Variants in NKD1 observed in about 807,000 individuals in gnomAD.
The protein encoded by NKD1 is NKD inhibitor of Wnt signaling pathway 1.
In NKD1, 21 loss-of-function variants were observed where a neutral mutation model predicts 56.0. That is an observed-to-expected ratio of 0.38 (90% confidence interval 0.27 to 0.54). NKD1 has a LOEUF of 0.54. Ranked by LOEUF, NKD1 falls within the 20% of genes least tolerant of loss-of-function variation. NKD1 has a pLI of 0.82. For synonymous variants in NKD1, 263 were observed against 265.7 expected (o/e 0.99, Z 0.10); for missense variants, 578 against 642.7 (o/e 0.90, Z 1.09).
At chr16:50,560,823 C>CATCCATCTATCTATCTATCT (rs1555487408) in intron 3 of NKD1, among the ~76,000 whole-genome samples, 1 of 148,546 alleles carries the variant, frequency 6.7e-6, no homozygotes, top group African/African-American at 2.5e-5. Flanking sequence ...TACCCAAACC[C>CATCCATCTATCTATCTATCT]ATCTATCTAT....
chr16:50,599,183 G>A (rs1961542239), intron 3 of NKD1, among the ~76,000 whole-genome samples: 1 of 152,154 alleles, frequency 6.6e-6, no homozygotes. Flanking sequence ...GGGCAGAAGA[G>A]AGCATGTGAG....
At chr16:50,573,337 C>T (rs1190431666) in intron 3 of NKD1, among the ~76,000 whole-genome samples, 1 of 152,088 alleles carries the variant, frequency 6.6e-6, no homozygotes, top group African/African-American at 2.4e-5. Flanking sequence ...ATGGAGACCT[C>T]CTGATGCTGA....
rs573210840 is a variant in NKD1, at chr16:50,623,148, T to A, written c.366+1440T>A. Among the ~76,000 whole-genome samples the A allele has an allele frequency of 5.3e-5, 8 of 151,340 alleles. No homozygotes were observed. The highest frequency in any genetic ancestry group is 3.4e-3 in the Middle Eastern group (1 of 292). ...GTGCCGGCGTGCTGTGTGGAGAGAGTGAGTGGCGTGATGTGGCCTGTGCTG... is the reference window on the plus strand; with the variant it reads ...GTGCCGGCGTGCTGTGTGGAGAGAGAGAGTGGCGTGATGTGGCCTGTGCTG... On this transcript the variant is annotated intron_variant, in intron 5 of 9. Transcript: ENST00000268459. This position sits in a 1 kb window ranked among gnomAD's most constrained non-coding sequence, Gnocchi z 4.1.
chr16:50,572,872 A>T, intron 3 of NKD1: 11 of 985,078 alleles, frequency 1.1e-5, no homozygotes, highest in Non-Finnish European at 1.3e-5. Flanking sequence ...TCTGGAGCCA[A>T]CAGGATCATG....
rs576906362 is a variant in NKD1, at chr16:50,588,080, G to T, written c.193-20214G>T. Among the ~76,000 whole-genome samples, 50 of 152,328 alleles carry T rather than the reference G, an allele frequency of 3.3e-4. No individual in the cohort carries two copies. The South Asian group carries it at 0.01, about 32-fold the overall frequency. ...CCTCAGGGCAGGTGTGGCTGATTTGGGTGGACAGCAAATGAAACGGGAATG... is the reference window on the plus strand; with the variant it reads ...CCTCAGGGCAGGTGTGGCTGATTTGTGTGGACAGCAAATGAAACGGGAATG... On this transcript the variant is annotated intron_variant, in intron 3 of 9. Coordinates refer to ENST00000268459, the MANE Select transcript of NKD1 (RefSeq NM_033119.5).
Position 50,623,128 on chromosome 16 carries a change from G to A in NKD1, c.366+1420G>A, listed in dbSNP as rs1962130427. Among the ~76,000 whole-genome samples, 1 of 152,128 alleles carries A rather than the reference G, an allele frequency of 6.6e-6. No homozygotes were observed. Among genetic ancestry groups the A allele is most frequent in the South Asian group, 2.1e-4 (1 of 4,836 alleles). On this transcript the variant is annotated intron_variant, in intron 5 of 9. Coordinates refer to ENST00000268459, the MANE Select transcript of NKD1 (RefSeq NM_033119.5). The surrounding 1 kb of genome is among the most constrained non-coding windows in gnomAD (Gnocchi z 4.1). ...GCAAAGGCCTGGAGGCTGAAGTGCCGGCGTGCTGTGTGGAGAGAGTGAGTG... is the reference window on the plus strand; with the variant it reads ...GCAAAGGCCTGGAGGCTGAAGTGCCAGCGTGCTGTGTGGAGAGAGTGAGTG...
At position 50,585,412 on chromosome 16, in the gene NKD1, C is replaced by T. The variant is rs1025876370; in HGVS notation, c.193-22882C>T. Among the ~76,000 whole-genome samples the T allele has an allele frequency of 7.2e-5, 11 of 152,280 alleles. No individual in the cohort carries two copies. In the East Asian group the frequency reaches 1.4e-3, roughly 19 times the overall value. On this transcript the variant is annotated intron_variant, in intron 3 of 9. Transcript: ENST00000268459. ...AGCCGCATGGAGACGTGAACCCTGC[C>T]GGCCAAGGAATTCGGGGCCTGAGTC...
intron 3 of NKD1, chr16:50,573,863 C>G: frequency 1.0e-6 from 1 of 985,300 alleles, no homozygotes; most frequent in Non-Finnish European, 1.2e-6. Context: ...GAGAGGGGAG[C>G]AGGGGCGGGG....
At chr16:50,584,963 G>A (rs892032621) in intron 3 of NKD1, among the ~76,000 whole-genome samples, 5 of 152,182 alleles carry the variant, frequency 3.3e-5, no homozygotes, top group Admixed American at 6.5e-5. Context: ...CTGGCTGCAC[G>A]GACCCCCGAT....
chr16:50,625,800 C>T (rs1962198022), intron 6 of NKD1, among the ~76,000 whole-genome samples: 1 of 152,126 alleles, frequency 6.6e-6, no homozygotes. Context: ...AGGCAGCTCC[C>T]CTGCTCTCAG....
intron 3 of NKD1, among the ~76,000 whole-genome samples, chr16:50,597,394 C>T (rs1218787972): frequency 6.6e-6 from 1 of 152,002 alleles, no homozygotes; most frequent in Non-Finnish European, 1.5e-5. Context: ...GAGGGAGAGC[C>T]ACATCATTTG....
chr16:50,559,124 G>A (rs912240515), intron 3 of NKD1, among the ~76,000 whole-genome samples: 1 of 152,208 alleles, frequency 6.6e-6, no homozygotes, highest in South Asian at 2.1e-4. Context: ...TCACATCTGT[G>A]GAATGGGTAG....
At chr16:50,556,704 A>C (rs1010164651) in intron 3 of NKD1, 2 of 148,444 alleles carry the variant, frequency 1.3e-5, no homozygotes, top group Admixed American at 1.3e-4. Flanking sequence ...TATTGAGTGC[A>C]TTCATTCATG....
intron 5 of NKD1, chr16:50,625,079 C>T (rs540017241): frequency 6.5e-5 from 15 of 230,040 alleles, no homozygotes; most frequent in Middle Eastern, 1.6e-3. Context: ...GACCGACACC[C>T]GAACCCCTCA....
chr16:50,602,024 AT>A (rs1006783960), intron 3 of NKD1, among the ~76,000 whole-genome samples: 6 of 152,004 alleles, frequency 3.9e-5, no homozygotes, highest in Non-Finnish European at 8.8e-5. Flanking sequence ...GATGAGGATT[AT>A]TTTTGTATCA....
At chr16:50,616,605 T>C (rs1021918628) in intron 4 of NKD1, among the ~76,000 whole-genome samples, 2 of 152,174 alleles carry the variant, frequency 1.3e-5, no homozygotes, top group Admixed American at 1.3e-4. Context: ...GTGCTAGGCA[T>C]TGGGCAACCC....
In NKD1 at chr16:50,633,463, A is replaced by C; in HGVS notation, c.1095A>C (p.Ala365=). 6.2e-7 allele frequency: 1 copy of C among 1,609,464 alleles called. No homozygotes were observed. The highest frequency in any genetic ancestry group is 8.5e-7 in the Non-Finnish European group (1 of 1,177,492). ...SVGVGHVARG[A]RNKPPLGPAI... ...GTGTGGGCCACGTGGCCAGAGGGGC[A>C]AGAAACAAGCCCCCTCTGGGACCCG... The change falls in exon 10 of 10, where the codon GCA becomes GCC. Residue 365 remains alanine, a synonymous_variant. Transcript: ENST00000268459. The surrounding 1 kb of genome is among the most constrained non-coding windows in gnomAD (Gnocchi z 4.9).
intron 3 of NKD1, among the ~76,000 whole-genome samples, chr16:50,590,632 GA>G (rs1217319111): frequency 6.6e-6 from 1 of 152,214 alleles, no homozygotes; most frequent in African/African-American, 2.4e-5. Context: ...CCATCATACA[GA>G]GGAGGAAACT....
chr16:50,569,172 T>C (rs1960829360), intron 3 of NKD1, among the ~76,000 whole-genome samples: 2 of 152,232 alleles, frequency 1.3e-5, no homozygotes, highest in South Asian at 4.1e-4. Context: ...TTATAGTCTA[T>C]GGGTTGGGCA....
Sources: gnomAD v4.1 joint callset for allele counts (sites outside exome capture counted in the v4.1 genomes callset) on GRCh38, gnomAD v4.1.1 for gene constraint, Gnocchi (gnomAD v3.1) non-coding constraint, MANE v1.5 for transcripts, NCBI Gene and HGNC (gene_info 2026-07-23, HGNC 2026-07-21) for gene names.